Variants in GABPA observed in about 807,000 individuals in gnomAD.
GABPA encodes the protein GA-binding protein alpha chain.
A neutral mutation model predicts 59.4 loss-of-function variants in GABPA; 4 were observed. The ratio of observed to expected loss-of-function variants is 0.07; its 90% CI spans 0.03 to 0.15. The LOEUF is 0.15. Among genes scored for constraint, GABPA ranks in the 10% least tolerant of loss-of-function variants. GABPA has a pLI of 1.00. For missense variants in GABPA, 251 were observed against 543.8 expected (o/e 0.46, Z 5.36); for synonymous variants, 164 against 183.1 (o/e 0.90, Z 0.84).
At chr21:25,749,219 TTGATA>T (rs1389013410) in intron 4 of GABPA, 99 bp downstream of exon 4, 8 of 698,256 alleles carry the variant, frequency 1.1e-5, no homozygotes, top group Non-Finnish European at 1.7e-5. Context: ...TCTACATTAC[TTGATA>T]TGATATAATA....
At position 25,758,236 on chromosome 21, in the gene GABPA, A is replaced by G. The variant is rs368982441; in HGVS notation, c.748+32A>G. On this transcript the variant is annotated intron_variant, in intron 6 of 9. Transcript: ENST00000400075. Reference sequence around the variant, plus strand: ...AATTACAGTTATTTCTTTACATTGTAATTTAAGCTTAATTTTATTTCCTTG... The same window carrying G: ...AATTACAGTTATTTCTTTACATTGTGATTTAAGCTTAATTTTATTTCCTTG... 10 of 1,432,198 alleles carry G rather than the reference A, an allele frequency of 7.0e-6. No homozygotes were observed. The Admixed American group carries it at 1.1e-4, about 16-fold the overall frequency. The allele number at this position is 1,432,198 out of a possible 1,614,324, so 88.7% of individuals were successfully genotyped here.
At chr21:25,760,361 G>A (rs192104054) in intron 6 of GABPA, among the ~76,000 whole-genome samples, 3 of 152,244 alleles carry the variant, frequency 2.0e-5, no homozygotes, top group Admixed American at 6.5e-5. Flanking sequence ...GCCTATCTGC[G>A]AAAGGCACTG....
chr21:25,758,546 C>T (rs890720418), intron 6 of GABPA, among the ~76,000 whole-genome samples: 1 of 152,190 alleles, frequency 6.6e-6, no homozygotes, highest in Non-Finnish European at 1.5e-5. Context: ...TAGCCCTCTT[C>T]ATATATTCCA....
chr21:25,739,568 C>T (rs1393087582), intron 1 of GABPA, among the ~76,000 whole-genome samples: 4 of 152,202 alleles, frequency 2.6e-5, no homozygotes, highest in African/African-American at 7.2e-5. Flanking sequence ...CATTGAATCA[C>T]TCTGGCTCTC....
At position 25,771,563 on chromosome 21, in the gene GABPA, G is replaced by A. The variant is rs1225703862; in HGVS notation, c.*2331G>A. ...ATATGTAAAATATTTGTTTTACTTAGGTTACAGTTATCAGAAAGGTAGTTT... is the reference window on the plus strand; with the variant it reads ...ATATGTAAAATATTTGTTTTACTTAAGTTACAGTTATCAGAAAGGTAGTTT... On this transcript the variant is annotated 3_prime_UTR_variant, in exon 10 of 10. Coordinates refer to ENST00000400075, the MANE Select transcript of GABPA (RefSeq NM_002040.4). The A allele has an allele frequency of 6.6e-6, 1 of 151,430 alleles. No individual in the cohort carries two copies. The highest frequency in any genetic ancestry group is 1.9e-4 in the East Asian group (1 of 5,176). 9.4% of individuals were successfully genotyped at this position (151,430 alleles called of 1,614,324 possible).
intron 3 of GABPA, among the ~76,000 whole-genome samples, chr21:25,747,614 A>T (rs1028324038): frequency 6.6e-6 from 1 of 152,206 alleles, no homozygotes; most frequent in Non-Finnish European, 1.5e-5. Context: ...CTGTGGGCTG[A>T]CTTGAAAGCT....
At position 25,762,329 on chromosome 21, in the gene GABPA, G is replaced by T; in HGVS notation, c.766G>T (p.Glu256Ter). ...LLRKYVLASQEQQMNEIVTID... is the reference protein window; with the variant it reads ...LLRKYVLASQ ...TTTTTCAGATGTATTGGCAAGTCAA[G>T]AACAACAGATGAATGAAATAGTTAC... The change falls in exon 7 of 10, where the codon GAA (glutamate) becomes TAA (stop). Residue 256 changes from glutamate (E) to a stop codon, truncating the protein, a stop_gained. Coordinates refer to ENST00000400075, the MANE Select transcript of GABPA (RefSeq NM_002040.4). LOFTEE classifies it high-confidence loss of function. 1 of 1,572,708 alleles carries T rather than the reference G, an allele frequency of 6.4e-7. No individual in the cohort carries two copies. The highest frequency in any genetic ancestry group is 1.2e-5 in the South Asian group (1 of 81,906).
chr21:25,745,944 T>A (rs886534584), intron 3 of GABPA, among the ~76,000 whole-genome samples: 3 of 152,346 alleles, frequency 2.0e-5, no homozygotes, highest in Admixed American at 2.0e-4. Flanking sequence ...GCAGCCTAAA[T>A]AGGATTGCCC....
chr21:25,759,555 T>C (rs981807191), intron 6 of GABPA, among the ~76,000 whole-genome samples: 2 of 152,180 alleles, frequency 1.3e-5, no homozygotes, highest in African/African-American at 4.8e-5. Flanking sequence ...GAGAGGCATT[T>C]CTTAATTGTT....
chr21:25,760,216 G>A (rs1396435688), intron 6 of GABPA, among the ~76,000 whole-genome samples: 3 of 152,106 alleles, frequency 2.0e-5, no homozygotes, highest in Non-Finnish European at 4.4e-5. Flanking sequence ...GTTCAGAATT[G>A]GGAGATGGGC....
At chr21:25,745,931 G>T (rs2035351391) in intron 3 of GABPA, among the ~76,000 whole-genome samples, 1 of 152,120 alleles carries the variant, frequency 6.6e-6, no homozygotes, top group South Asian at 2.1e-4. Context: ...TGTATGAAAG[G>T]TAGCAGCCTA....
chr21:25,765,080 A>T (rs1355466400), intron 9 of GABPA, among the ~76,000 whole-genome samples: 1 of 151,940 alleles, frequency 6.6e-6, no homozygotes, highest in Non-Finnish European at 1.5e-5. Flanking sequence ...GCATAGATGA[A>T]TTGAGTGTTA....
In GABPA at chr21:25,771,306, A is replaced by T. The variant is rs1048417114; in HGVS notation, c.*2074A>T. 2 of 151,480 alleles carry T rather than the reference A, an allele frequency of 1.3e-5. No individual in the cohort carries two copies. Among genetic ancestry groups the T allele is most frequent in the Non-Finnish European group, 3.0e-5 (2 of 67,700 alleles). 9.4% of individuals were successfully genotyped at this position (151,480 alleles called of 1,614,324 possible). On this transcript the variant is annotated 3_prime_UTR_variant, in exon 10 of 10. Coordinates refer to ENST00000400075, the MANE Select transcript of GABPA (RefSeq NM_002040.4). ...AAAACATTACTTTTAGATCCCTAGA[A>T]TGAAAATTTTTTTCTCATCTATGCA...
intron 5 of GABPA, among the ~76,000 whole-genome samples, chr21:25,755,635 G>A (rs1568947535): frequency 1.3e-5 from 2 of 152,052 alleles, no homozygotes; most frequent in African/African-American, 2.4e-5. Context: ...TCACTCTTCA[G>A]TTTATAGGCT....
At chr21:25,747,072 A>G (rs1425177273) in intron 3 of GABPA, among the ~76,000 whole-genome samples, 4 of 152,244 alleles carry the variant, frequency 2.6e-5, no homozygotes, top group Admixed American at 2.0e-4. Context: ...CATTCTGCAG[A>G]TGTAGAAACA....
rs540806618 is a variant in GABPA at position 25,761,912 on chromosome 21, G to A, written c.749-400G>A. On this transcript the variant is annotated intron_variant, in intron 6 of 9. Coordinates refer to ENST00000400075, the MANE Select transcript of GABPA (RefSeq NM_002040.4). ...TGGATGTTATAACAAATAATGGGAAGGAGGCCTTTTTGGTGGAGATACGTA... is the reference window on the plus strand; with the variant it reads ...TGGATGTTATAACAAATAATGGGAAAGAGGCCTTTTTGGTGGAGATACGTA... Among the ~76,000 whole-genome samples the A allele has an allele frequency of 8.9e-4, 136 of 152,226 alleles. 3 individuals carry two copies. The South Asian group carries it at 0.01, about 12-fold the overall frequency.
intron 9 of GABPA, among the ~76,000 whole-genome samples, chr21:25,765,221 T>C (rs542884086): frequency 1.3e-5 from 2 of 152,116 alleles, no homozygotes; most frequent in East Asian, 3.9e-4. Flanking sequence ...CCGTAAGTAG[T>C]ATAAGGTTTT....
intron 9 of GABPA, among the ~76,000 whole-genome samples, chr21:25,767,661 AG>A (rs1403331692): frequency 6.6e-6 from 1 of 152,092 alleles, no homozygotes; most frequent in Non-Finnish European, 1.5e-5. Context: ...ATATTAATGT[AG>A]AAATTTTTTA....
intron 1 of GABPA, 108 bp from the exon 2 acceptor site, chr21:25,741,465 C>T: frequency 6.4e-6 from 3 of 469,590 alleles, no homozygotes; most frequent in East Asian, 3.6e-5. Context: ...ACTACTTCCC[C>T]CTCTTCTGCT....
Sources: allele counts gnomAD v4.1 joint callset (sites outside exome capture counted in the v4.1 genomes callset), GRCh38; gene constraint gnomAD v4.1.1; transcripts MANE v1.5; gene names NCBI Gene and HGNC (gene_info 2026-07-23, HGNC 2026-07-21).